MYCBP2: variants seen among roughly 807,000 people sequenced by gnomAD.
The protein encoded by MYCBP2 is MYC binding protein 2.
A neutral mutation model predicts 525.3 loss-of-function variants in MYCBP2; 120 were observed. The observed-to-expected ratio is 0.23, with a 90% CI of 0.20 to 0.27. The LOEUF is 0.27. Ranked by LOEUF, MYCBP2 falls within the 10% of genes least tolerant of loss-of-function variation. MYCBP2 has a pLI of 1.00. For missense variants in MYCBP2, 4,149 were observed against 5,657.1 expected, an observed-to-expected ratio of 0.73 and a Z score of 8.55; for synonymous variants, 1,894 against 1,955.8, an observed-to-expected ratio of 0.97 and a Z score of 0.83.
At chr13:77,248,973 G>A (rs757324514) in intron 15 of MYCBP2, among the ~76,000 whole-genome samples, 4 of 152,164 alleles carry the variant, frequency 2.6e-5, no homozygotes, top group Non-Finnish European at 5.9e-5. Flanking sequence ...CAACCTGGAT[G>A]AACTGAGGAT....
At chr13:77,064,813 C>G in intron 72 of MYCBP2, 79 bp from the exon 73 acceptor site, 2 of 1,305,784 alleles carry the variant, frequency 1.5e-6, no homozygotes, top group Non-Finnish European at 2.0e-6. Context: ...TAAATAACAT[C>G]TCCTATCAAA....
In MYCBP2 at chr13:77,051,294, A is replaced by G. The variant is rs2036749217; in HGVS notation, c.13756-132T>C. The G allele has an allele frequency of 5.6e-6, 4 of 712,586 alleles. No individual in the cohort carries two copies. In the South Asian group the frequency reaches 9.9e-5, roughly 18 times the overall value. 44.1% of individuals were successfully genotyped at this position (712,586 alleles called of 1,614,324 possible). ...CTACATAACTCTAAAAATTGATTGA[A>G]AAACTGATGATACACATGTTTGAAA... On this transcript the variant is annotated intron_variant, in intron 81 of 82. Coordinates refer to ENST00000544440, the MANE Select transcript of MYCBP2 (RefSeq NM_015057.5).
intron 55 of MYCBP2, among the ~76,000 whole-genome samples, chr13:77,112,169 A>G (rs1329953126): frequency 6.6e-6 from 1 of 151,868 alleles, no homozygotes; most frequent in Non-Finnish European, 1.5e-5. Context: ...TTTTACTTAG[A>G]AAAAAGAGCT....
chr13:77,071,043 C>T (rs2041128685), intron 68 of MYCBP2, among the ~76,000 whole-genome samples: 1 of 151,886 alleles, frequency 6.6e-6, no homozygotes, highest in Non-Finnish European at 1.5e-5. Flanking sequence ...GAAGAACAAT[C>T]CAGGAAAATA....
At chr13:77,216,313 G>T (rs2064818708) in intron 21 of MYCBP2, among the ~76,000 whole-genome samples, 1 of 152,132 alleles carries the variant, frequency 6.6e-6, no homozygotes, top group South Asian at 2.1e-4. Flanking sequence ...AAGGCCAAGT[G>T]CCTACTGGAG....
At chr13:77,213,811 A>G (rs941415279) in intron 21 of MYCBP2, among the ~76,000 whole-genome samples, 2 of 152,246 alleles carry the variant, frequency 1.3e-5, no homozygotes, top group African/African-American at 4.8e-5. Context: ...ATGCTGTGCA[A>G]ACAAATCTAT....
intron 55 of MYCBP2, among the ~76,000 whole-genome samples, chr13:77,119,298 A>G (rs2050291736): frequency 6.6e-6 from 1 of 152,112 alleles, no homozygotes. Flanking sequence ...GGAGGTGGGG[A>G]GAGGGAACTA....
In MYCBP2 at chr13:77,126,271, A is replaced by G. The variant is rs375835452; in HGVS notation, c.7884+47T>C. 14 of 1,526,374 alleles carry G rather than the reference A, an allele frequency of 9.2e-6. No homozygotes were observed. In the East Asian group the frequency reaches 2.5e-4, roughly 27 times the overall value. 94.6% of individuals were successfully genotyped at this position (1,526,374 alleles called of 1,614,324 possible). A position where few individuals can be genotyped will look rare whatever the true frequency, so the allele number is the denominator to read the frequency against. ...AGAAGAGATGCTTTGGTTGTATTAC[A>G]TTAAAAATGAGTATCTTAGAAGTCA... On this transcript the variant is annotated intron_variant, in intron 53 of 82. Transcript: ENST00000544440.
At chr13:77,166,167 C>T (rs2058497872) in intron 41 of MYCBP2, among the ~76,000 whole-genome samples, 162 bp downstream of exon 41, 1 of 152,116 alleles carries the variant, frequency 6.6e-6, no homozygotes, top group Non-Finnish European at 1.5e-5. Flanking sequence ...GTGCCCCTTG[C>T]CCAGGGTACC....
intron 68 of MYCBP2, among the ~76,000 whole-genome samples, chr13:77,074,580 T>C (rs1473368722): frequency 2.6e-5 from 4 of 152,188 alleles, no homozygotes; most frequent in South Asian, 4.1e-4. Context: ...GCTTTACTAA[T>C]AGTAGCCAAA....
chr13:77,073,930 A>G (rs993033339), intron 68 of MYCBP2, among the ~76,000 whole-genome samples: 4 of 152,112 alleles, frequency 2.6e-5, no homozygotes, highest in African/African-American at 9.6e-5. Flanking sequence ...CGAAGACTCA[A>G]TATTATTGAC....
chr13:77,278,687 G>C, intron 4 of MYCBP2, 71 bp downstream of exon 4: 1 of 1,242,582 alleles, frequency 8.0e-7, no homozygotes, highest in Non-Finnish European at 1.0e-6. Flanking sequence ...TAACAATTTT[G>C]AAGTGTACAA....
chr13:77,198,396 T>C (rs1273021211), intron 26 of MYCBP2, among the ~76,000 whole-genome samples: 1 of 152,238 alleles, frequency 6.6e-6, no homozygotes, highest in African/African-American at 2.4e-5. Flanking sequence ...GGAATGTCCT[T>C]GGAAACCAGC....
chr13:77,082,206 A>G (rs889841188), intron 63 of MYCBP2: 26 of 454,266 alleles, frequency 5.7e-5, no homozygotes, highest in Non-Finnish European at 7.3e-5. Flanking sequence ...TTCTAAGGAA[A>G]GTTGACCCAT....
At position 77,121,437 on chromosome 13, in the gene MYCBP2, T is replaced by C. The variant is rs1181227615; in HGVS notation, c.8076A>G (p.Gln2692=). 5.0e-6 allele frequency: 8 copies of C among 1,597,248 alleles called. No homozygotes were observed. Among genetic ancestry groups the C allele is most frequent in the Non-Finnish European group, 6.8e-6 (8 of 1,168,522 alleles). Residue 2692 remains glutamine (Q), a synonymous_variant, in exon 55 of 83, where the codon CAA becomes CAG. Coordinates refer to ENST00000544440, the MANE Select transcript of MYCBP2 (RefSeq NM_015057.5). The stretch of plus-strand genomic sequence containing the variant: ...TGCAACTTGCCCCTTTATTAAAAGC[T>C]TGCACTGAGAAAGGGCTTGGAGGAG... ...QTPPPSPFSV[Q]AFNKGASCSA...
At chr13:77,114,542 T>C (rs900838128) in intron 55 of MYCBP2, among the ~76,000 whole-genome samples, 1 of 152,066 alleles carries the variant, frequency 6.6e-6, no homozygotes, top group Non-Finnish European at 1.5e-5. Context: ...TGTAAATAAA[T>C]AGTCATGCAG....
intron 17 of MYCBP2, among the ~76,000 whole-genome samples, chr13:77,236,568 TA>T (rs1293920229): frequency 6.6e-6 from 1 of 152,162 alleles, no homozygotes; most frequent in African/African-American, 2.4e-5. Context: ...AGCAACATTT[TA>T]AAAATACCCA....
At position 77,198,445 on chromosome 13, in the gene MYCBP2, A is replaced by C. The variant is rs1184975630; in HGVS notation, c.3844-4201T>G. 2.0e-5 allele frequency among the ~76,000 whole-genome samples: 3 copies of C among 152,192 alleles called. No homozygotes were observed. In the East Asian group the frequency reaches 5.8e-4, roughly 29 times the overall value. On this transcript the variant is annotated intron_variant, in intron 26 of 82. Coordinates refer to ENST00000544440, the MANE Select transcript of MYCBP2 (RefSeq NM_015057.5). ...GTGTTAACATATTGATATCATTTTT[A>C]GATATTATTGAGAGAACTAAGAAAA... is the stretch of plus-strand genomic sequence containing the variant.
intron 22 of MYCBP2, among the ~76,000 whole-genome samples, 170 bp from the exon 23 acceptor site, chr13:77,211,490 T>C (rs149834415): frequency 1.2e-4 from 18 of 152,278 alleles, no homozygotes; most frequent in African/African-American, 4.3e-4. Flanking sequence ...AACCTCAAGA[T>C]GTCTAAATCC....
Sources: allele counts gnomAD v4.1 joint callset (sites outside exome capture counted in the v4.1 genomes callset), GRCh38; gene constraint gnomAD v4.1.1; transcripts MANE v1.5; gene names NCBI Gene and HGNC (gene_info 2026-07-23, HGNC 2026-07-21).